The following MCTP1 variants were observed in gnomAD, a reference collection of about 807,000 sequenced individuals.
The protein encoded by MCTP1 is multiple C2 and transmembrane domain-containing protein 1.
In MCTP1, 69 loss-of-function variants were observed where a neutral mutation model predicts 120.6. The observed-to-expected ratio is 0.57, with a 90% CI of 0.47 to 0.70. MCTP1 has a LOEUF of 0.70. Ranked by LOEUF, MCTP1 falls within the 30% of genes least tolerant of loss-of-function variation. The pLI is 0.00. For synonymous variants in MCTP1, 529 were observed against 493.1 expected, an observed-to-expected ratio of 1.07 and a Z score of -0.96; for missense variants, 1,203 against 1,248.8, an observed-to-expected ratio of 0.96 and a Z score of 0.55.
rs535199820 is a variant in MCTP1 at position 94,769,480 on chromosome 5, C to A, written c.2610+9630G>T. 1.6e-3 allele frequency among the ~76,000 whole-genome samples: 247 copies of A among 152,016 alleles called. 1 individual carries two copies. Among genetic ancestry groups the A allele is most frequent in the African/African-American group, 5.7e-3 (235 of 41,478 alleles). ...TTATAATCCATAAATAGGTACAATT[C>A]TTATATATCAATAAAAAATTGAAAA... On this transcript the variant is annotated intron_variant, in intron 19 of 22. Coordinates refer to ENST00000515393, the MANE Select transcript of MCTP1 (RefSeq NM_024717.7).
intron 21 of MCTP1, chr5:94,709,475 G>A (rs1440143320): frequency 6.6e-6 from 1 of 152,078 alleles, no homozygotes; most frequent in Non-Finnish European, 1.5e-5. Context: ...GTAAACCTGG[G>A]AGAACAGGGC....
intron 18 of MCTP1, among the ~76,000 whole-genome samples, chr5:94,784,209 G>C (rs1413151789): frequency 6.6e-6 from 1 of 152,028 alleles, no homozygotes; most frequent in African/African-American, 2.4e-5. Flanking sequence ...CTACCCTAGA[G>C]ATACGGAAGA....
intron 1 of MCTP1, among the ~76,000 whole-genome samples, chr5:95,186,151 TAAGGC>T (rs2152523560): frequency 6.8e-6 from 1 of 146,748 alleles, no homozygotes; most frequent in African/African-American, 2.5e-5. Flanking sequence ...GCCACTGAAA[TAAGGC>T]AAGAGAAAGA....
chr5:95,045,276 GTTC>G (rs1397613248), intron 1 of MCTP1, among the ~76,000 whole-genome samples: 3 of 152,164 alleles, frequency 2.0e-5, no homozygotes, highest in African/African-American at 7.2e-5. Context: ...CATCTAAAGA[GTTC>G]TTCATTAGTT....
intron 1 of MCTP1, among the ~76,000 whole-genome samples, chr5:95,253,094 T>A (rs536299793): frequency 1.3e-5 from 2 of 152,254 alleles, no homozygotes; most frequent in Non-Finnish European, 2.9e-5. Flanking sequence ...AAAGAGTACT[T>A]GGTATGTTGG....
intron 1 of MCTP1, among the ~76,000 whole-genome samples, chr5:95,210,926 A>T (rs923268253): frequency 2.0e-5 from 3 of 151,836 alleles, no homozygotes; most frequent in Admixed American, 2.0e-4. Context: ...TTTCTCCTTC[A>T]CTTATGAAGC....
At chr5:94,776,466 A>G (rs1228717703) in intron 19 of MCTP1, among the ~76,000 whole-genome samples, 1 of 152,190 alleles carries the variant, frequency 6.6e-6, no homozygotes, top group African/African-American at 2.4e-5. Flanking sequence ...CAAAGGTTAT[A>G]GGACTAATAG....
intron 1 of MCTP1, among the ~76,000 whole-genome samples, chr5:95,171,137 C>G (rs1050849975): frequency 6.6e-6 from 1 of 152,142 alleles, no homozygotes; most frequent in Non-Finnish European, 1.5e-5. Context: ...ATTTGCTTCT[C>G]TGTAAAGGAT....
intron 6 of MCTP1, among the ~76,000 whole-genome samples, chr5:94,924,364 T>C (rs1230674348): frequency 1.3e-5 from 2 of 152,142 alleles, no homozygotes; most frequent in Non-Finnish European, 2.9e-5. Context: ...TTTATTCCTT[T>C]TAACAAAACA....
intron 1 of MCTP1, among the ~76,000 whole-genome samples, chr5:95,190,302 C>A (rs939013853): frequency 6.6e-6 from 1 of 152,020 alleles, no homozygotes; most frequent in Non-Finnish European, 1.5e-5. Context: ...AGTGCACCAT[C>A]ATTTTAATTT....
At chr5:94,938,463 C>G (rs1178982875) in intron 5 of MCTP1, among the ~76,000 whole-genome samples, 1 of 152,036 alleles carries the variant, frequency 6.6e-6, no homozygotes, top group Non-Finnish European at 1.5e-5. Flanking sequence ...AACACCTCCT[C>G]TCTTTCTTGT....
At chr5:95,007,692 G>A (rs1433694861) in intron 2 of MCTP1, among the ~76,000 whole-genome samples, 1 of 152,110 alleles carries the variant, frequency 6.6e-6, no homozygotes, top group Non-Finnish European at 1.5e-5. Flanking sequence ...CTTATATCTG[G>A]TAGAAGTTCT....
intron 1 of MCTP1, among the ~76,000 whole-genome samples, chr5:95,253,121 A>G (rs969446810): frequency 6.6e-6 from 1 of 152,184 alleles, no homozygotes; most frequent in South Asian, 2.1e-4. Context: ...AAAATCAGCA[A>G]CTAATACAAT....
At chr5:94,856,861 C>G (rs1794811992) in intron 17 of MCTP1, among the ~76,000 whole-genome samples, 1 of 151,682 alleles carries the variant, frequency 6.6e-6, no homozygotes, top group African/African-American at 2.4e-5. Context: ...CACTCTGGGG[C>G]TGCCTGCTGC....
At chr5:94,769,773 G>A (rs768227946) in intron 19 of MCTP1, among the ~76,000 whole-genome samples, 1 of 152,056 alleles carries the variant, frequency 6.6e-6, no homozygotes, top group Non-Finnish European at 1.5e-5. Context: ...AAAAAGACTT[G>A]TATTGAAACT....
intron 1 of MCTP1, among the ~76,000 whole-genome samples, chr5:95,072,740 A>ATTTTTTTTTTTTTTTTTTTTTTTTTTTTT (rs11421165): frequency 1.0e-5 from 1 of 95,282 alleles, no homozygotes; most frequent in Non-Finnish European, 1.9e-5. Flanking sequence ...CTTAGCAACT[A>ATTTTTTTTTTTTTTTTTTTTTTTTTTTTT]TTTTTTTTTT....
chr5:94,949,099 C>T (rs1352888961), intron 3 of MCTP1, among the ~76,000 whole-genome samples: 1 of 152,106 alleles, frequency 6.6e-6, no homozygotes. Context: ...CAGAATAGTG[C>T]TCCCAATTAA....
At position 95,240,052 on chromosome 5, in the gene MCTP1, T is replaced by A. The variant is rs1210334572; in HGVS notation, c.720+43804A>T. On this transcript the variant is annotated intron_variant, in intron 1 of 22. Coordinates refer to ENST00000515393, the MANE Select transcript of MCTP1 (RefSeq NM_024717.7). The stretch of plus-strand genomic sequence containing the variant: ...GTATTATTATTCTTTGCATTGGCAT[T>A]TAAACTTTTATAATATATATTTATT... 5.9e-5 allele frequency among the ~76,000 whole-genome samples: 9 copies of A among 152,108 alleles called. 1 individual carries two copies. The highest frequency in any genetic ancestry group is 5.9e-4 in the Admixed American group (9 of 15,260).
intron 1 of MCTP1, among the ~76,000 whole-genome samples, chr5:95,066,918 T>C (rs1170848189): frequency 6.6e-6 from 1 of 152,170 alleles, no homozygotes; most frequent in East Asian, 1.9e-4. Context: ...ATCCCTCACA[T>C]GCGCAGTTCA....
Sources: allele counts gnomAD v4.1 joint callset (sites outside exome capture counted in the v4.1 genomes callset), GRCh38; gene constraint gnomAD v4.1.1; transcripts MANE v1.5; gene names NCBI Gene and HGNC (gene_info 2026-07-23, HGNC 2026-07-21).